Variants in RORA observed in about 807,000 individuals in gnomAD.
RORA encodes the protein RAR related orphan receptor A, also known as nuclear receptor ROR-alpha.
RORA carries 7 observed loss-of-function variants against 69.5 expected under a neutral mutation model. That is an observed-to-expected ratio of 0.10 (90% CI 0.06 to 0.19). The LOEUF is 0.19. RORA is among the 10% of genes least tolerant of loss of function. The pLI, the probability that RORA is intolerant of heterozygous loss-of-function variation, is 1.00. For missense variants in RORA, 457 were observed against 663.0 expected (o/e 0.69, Z 3.41); for synonymous variants, 261 against 240.8 (o/e 1.08, Z -0.78).
At chr15:60,800,061 C>T (rs1400426221) in intron 1 of RORA, among the ~76,000 whole-genome samples, 1 of 152,352 alleles carries the variant, frequency 6.6e-6, no homozygotes, top group East Asian at 1.9e-4. Context: ...TCTGCCTCTC[C>T]TCCCAACCTC....
At chr15:60,906,657 T>C (rs1218331580) in intron 1 of RORA, among the ~76,000 whole-genome samples, 3 of 152,158 alleles carry the variant, frequency 2.0e-5, no homozygotes, top group Non-Finnish European at 2.9e-5. Context: ...ATTTAAGGAA[T>C]TTTAGGAAGC....
At chr15:60,700,207 C>CAAG (rs1220186169) in intron 1 of RORA, among the ~76,000 whole-genome samples, 1 of 152,180 alleles carries the variant, frequency 6.6e-6, no homozygotes, top group Non-Finnish European at 1.5e-5. Flanking sequence ...CCACTCTATT[C>CAAG]AAAAGTGTCT....
chr15:61,169,832 T>C (rs999571998), intron 1 of RORA, among the ~76,000 whole-genome samples: 3 of 152,082 alleles, frequency 2.0e-5, no homozygotes, highest in South Asian at 2.1e-4. Context: ...GAAAAATTCA[T>C]TGGATTTCAT....
At chr15:61,119,523 G>A (rs1596005582) in intron 1 of RORA, among the ~76,000 whole-genome samples, 1 of 151,138 alleles carries the variant, frequency 6.6e-6, no homozygotes, top group Non-Finnish European at 1.5e-5. Context: ...TGCCTAGGCT[G>A]GTCTGGAACA....
At chr15:61,137,982 AG>A (rs1388430295) in intron 1 of RORA, among the ~76,000 whole-genome samples, 2 of 152,216 alleles carry the variant, frequency 1.3e-5, no homozygotes, top group East Asian at 3.8e-4. Context: ...AGAGACATAC[AG>A]GGGGCCATTA....
intron 1 of RORA, among the ~76,000 whole-genome samples, chr15:60,981,734 AG>A (rs1894049748): frequency 6.6e-6 from 1 of 152,110 alleles, no homozygotes; most frequent in Admixed American, 6.5e-5. Flanking sequence ...ACTTAGTTTC[AG>A]CTTTTTGAAT....
chr15:60,739,782 G>A (rs2071549707), intron 1 of RORA, among the ~76,000 whole-genome samples: 1 of 152,068 alleles, frequency 6.6e-6, no homozygotes, highest in Admixed American at 6.5e-5. Context: ...TTGTCTCTGG[G>A]AGCTGAGCCC....
intron 1 of RORA, among the ~76,000 whole-genome samples, chr15:60,836,826 G>A (rs1046655464): frequency 6.6e-6 from 1 of 151,782 alleles, no homozygotes; most frequent in African/African-American, 2.4e-5. Context: ...CCTCCAATCA[G>A]CTCCCCCCTC....
At chr15:61,007,848 TA>T (rs1894960103) in intron 1 of RORA, among the ~76,000 whole-genome samples, 1 of 148,784 alleles carries the variant, frequency 6.7e-6, no homozygotes, top group Non-Finnish European at 1.5e-5. Context: ...AACATTAGCC[TA>T]ATGTTATATA....
intron 1 of RORA, among the ~76,000 whole-genome samples, chr15:60,959,569 T>C (rs1893358924): frequency 6.6e-6 from 1 of 152,196 alleles, no homozygotes; most frequent in Non-Finnish European, 1.5e-5. Context: ...CCTATAGATA[T>C]GGCTCATGTT....
At chr15:60,934,513 T>TTTG (rs1566915030) in intron 1 of RORA, among the ~76,000 whole-genome samples, 3 of 150,098 alleles carry the variant, frequency 2.0e-5, no homozygotes, top group African/African-American at 7.5e-5. Flanking sequence ...TTGTTTGTTT[T>TTTG]TTTCTGATAT....
At chr15:60,545,869 T>G (rs73420085) in intron 2 of RORA, among the ~76,000 whole-genome samples, 7,799 of 152,246 alleles carry the variant, frequency 0.051, 528 homozygotes, top group African/African-American at 0.16. Flanking sequence ...GCAGGCGAGA[T>G]CTCAGGAATA....
chr15:60,598,600 C>T (rs1239977140), intron 2 of RORA: 1 of 152,174 alleles, frequency 6.6e-6, no homozygotes, highest in Non-Finnish European at 1.5e-5. Flanking sequence ...ATATATAATA[C>T]ATATAACATA....
intron 1 of RORA, among the ~76,000 whole-genome samples, chr15:61,009,479 A>G (rs1183963429): frequency 2.0e-5 from 3 of 152,230 alleles, no homozygotes; most frequent in African/African-American, 7.2e-5. Context: ...ACGATACAGG[A>G]AAGAAAATCT....
chr15:60,962,122 G>T (rs976733828), intron 1 of RORA, among the ~76,000 whole-genome samples: 20 of 152,202 alleles, frequency 1.3e-4, no homozygotes, highest in African/African-American at 4.3e-4. Context: ...TTTTCTGGAA[G>T]TTTTAAAGTT....
chr15:60,828,006 T>A (rs2072989324), intron 1 of RORA, among the ~76,000 whole-genome samples: 1 of 152,172 alleles, frequency 6.6e-6, no homozygotes, highest in Non-Finnish European at 1.5e-5. Context: ...CGTGTACATA[T>A]CAGAGAAAAA....
chr15:60,793,765 C>T (rs939914571), intron 1 of RORA, among the ~76,000 whole-genome samples: 6 of 152,152 alleles, frequency 3.9e-5, no homozygotes, highest in Non-Finnish European at 8.8e-5. Flanking sequence ...GGTGATTTGC[C>T]ACAGAGATGG....
At chr15:60,787,067 T>G (rs571464052) in intron 1 of RORA, among the ~76,000 whole-genome samples, 5 of 152,304 alleles carry the variant, frequency 3.3e-5, no homozygotes, top group African/African-American at 1.2e-4. Flanking sequence ...ATTTTACAAA[T>G]GAGAAACAGA....
At chr15:60,987,007 C>T (rs561272729) in intron 1 of RORA, among the ~76,000 whole-genome samples, 44 of 152,276 alleles carry the variant, frequency 2.9e-4, no homozygotes, top group African/African-American at 1.0e-3. Context: ...ACTTTGGATT[C>T]AGCTACTTCG....
Sources: allele counts gnomAD v4.1 joint callset (sites outside exome capture counted in the v4.1 genomes callset), GRCh38; gene constraint gnomAD v4.1.1; transcripts MANE v1.5; gene names NCBI Gene and HGNC (gene_info 2026-07-23, HGNC 2026-07-21).